The following PCNX3 variants were observed in gnomAD, a reference collection of about 807,000 sequenced individuals.
The protein encoded by PCNX3 is pecanex 3, also known as pecanex-like protein 3.
Under a neutral mutation model 207.2 loss-of-function variants are expected in PCNX3, and 58 were observed. The ratio of observed to expected loss-of-function variants is 0.28; its 90% CI spans 0.23 to 0.35. The LOEUF (loss-of-function observed/expected upper bound fraction) is 0.35. Ranked by LOEUF, PCNX3 falls within the 10% of genes least tolerant of loss-of-function variation. PCNX3 has a pLI of 1.00. For missense variants in PCNX3, 2,410 were observed against 2,774.4 expected, an observed-to-expected ratio of 0.87 and a Z score of 2.95; for synonymous variants, 1,337 against 1,183.5, an observed-to-expected ratio of 1.13 and a Z score of -2.66.
At chr11:65,623,718 T>C in intron 12 of PCNX3, 74 bp downstream of exon 12, 1 of 1,571,408 alleles carries the variant, frequency 6.4e-7, no homozygotes, top group Non-Finnish European at 8.7e-7. Context: ...ACTCCAGTTT[T>C]AAGGAGTATA....
intron 27 of PCNX3, among the ~76,000 whole-genome samples, chr11:65,632,728 G>C (rs944931659): frequency 6.7e-6 from 1 of 148,934 alleles, no homozygotes; most frequent in Non-Finnish European, 1.5e-5. Context: ...CTCCTCTCCC[G>C]GTCCCTGAAG....
chr11:65,619,275 A>C (rs903559743), intron 6 of PCNX3: 7 of 360,866 alleles, frequency 1.9e-5, no homozygotes, highest in Non-Finnish European at 1.9e-5. Flanking sequence ...CTTGATTAGC[A>C]CCTGAGTCTC....
intron 23 of PCNX3, 25 bp from the exon 24 acceptor site, chr11:65,628,794 C>T (rs769693078): frequency 2.6e-5 from 42 of 1,609,008 alleles, no homozygotes; most frequent in South Asian, 2.3e-4. Flanking sequence ...TCCTGTTGCC[C>T]GCCGCCTCCT....
In PCNX3 at chr11:65,635,816, G is replaced by A. The variant is rs749226949; in HGVS notation, c.5459+13G>A. 4.4e-6 allele frequency: 7 copies of A among 1,598,834 alleles called. No homozygotes were observed. In the Middle Eastern group the frequency reaches 6.6e-4, roughly 152 times the overall value. On this transcript the variant is annotated intron_variant, in intron 32 of 34. Coordinates refer to ENST00000355703, the MANE Select transcript of PCNX3 (RefSeq NM_032223.4). This position sits in a 1 kb window ranked among gnomAD's most constrained non-coding sequence, Gnocchi z 9.9. ...GCACCTGGGAGAGGTGAGGCCTCGG[G>A]AAGGGGTGACGTGTGGCGCGGGAGG...
Position 65,624,461 on chromosome 11 carries a change from T to G in PCNX3, c.2717-10T>G. The G allele has an allele frequency of 1.9e-6, 3 of 1,582,898 alleles. No homozygotes were observed. Among genetic ancestry groups the G allele is most frequent in the Non-Finnish European group, 2.6e-6 (3 of 1,163,918 alleles). On this transcript the variant is annotated splice_polypyrimidine_tract_variant and intron_variant, in intron 14 of 34. Coordinates refer to ENST00000355703, the MANE Select transcript of PCNX3 (RefSeq NM_032223.4). Reference sequence around the variant, plus strand: ...AGGCTGACCAGGCCTTCGTGTCCCCTCCCTGCCAGTGTTCACCCTGTGCTT... The same window carrying G: ...AGGCTGACCAGGCCTTCGTGTCCCCGCCCTGCCAGTGTTCACCCTGTGCTT...
At chr11:65,619,732 A>AC in intron 7 of PCNX3, 22 bp from the exon 8 acceptor site, 1 of 1,561,888 alleles carries the variant, frequency 6.4e-7, no homozygotes, top group South Asian at 1.2e-5. Context: ...GCTGGCGCTG[A>AC]CCTGGGGCTG....
At chr11:65,627,186 C>A in intron 21 of PCNX3, 138 bp downstream of exon 21, 1 of 1,289,924 alleles carries the variant, frequency 7.8e-7, no homozygotes. Flanking sequence ...TCCTGACACG[C>A]CATCCCAGGA....
chr11:65,623,376 G>C (rs1855212803), intron 11 of PCNX3, 115 bp from the exon 12 acceptor site: 1 of 1,352,606 alleles, frequency 7.4e-7, no homozygotes. Flanking sequence ...AGAGGACAAG[G>C]GTCTGGCATG....
At chr11:65,616,729 G>C (rs1367246531) in intron 1 of PCNX3, 95 bp from the exon 2 acceptor site, 2 of 1,383,724 alleles carry the variant, frequency 1.4e-6, no homozygotes, top group East Asian at 2.4e-5. Context: ...AAATTTTCTT[G>C]TGAGTCTGTG....
rs779060583 is a variant in PCNX3, at chr11:65,624,214, C to T, written c.2564C>T (p.Ala855Val). 1.9e-6 allele frequency: 3 copies of T among 1,606,834 alleles called. No homozygotes were observed. The highest frequency in any genetic ancestry group is 1.6e-4 in the Middle Eastern group (1 of 6,080). ...CCTCAGGGCCACAACTGGGTGATCG[C>T]GTACAGCCGTCCTGTCTACTTCTGC... ...SPMHGHNWVI[A>V]YSRPVYFCIC... is the part of the protein sequence containing the mutation. Residue 855 changes from alanine to valine, a missense_variant, in exon 14 of 35, where the codon GCG becomes GTG. By Grantham distance (64) the Ala-to-Val change is moderately conservative. This residue lies in a region of PCNX3 where 177 missense variants were observed against 257.5 expected (regional missense o/e 0.69). Coordinates refer to ENST00000355703, the MANE Select transcript of PCNX3 (RefSeq NM_032223.4).
In PCNX3 at chr11:65,616,162, C is replaced by T. The variant is rs954354016; in HGVS notation, c.-150C>T. The T allele has an allele frequency of 4.0e-6, 2 of 501,776 alleles. No individual in the cohort carries two copies. The highest frequency in any genetic ancestry group is 6.3e-6 in the Non-Finnish European group (2 of 319,166). 31.1% of individuals were successfully genotyped at this position (501,776 alleles called of 1,614,324 possible). On this transcript the variant is annotated 5_prime_UTR_variant, in exon 1 of 35. Coordinates refer to ENST00000355703, the MANE Select transcript of PCNX3 (RefSeq NM_032223.4). ...GCCCCGCCCCCTGCTCGCACCCTCG[C>T]GCGGCCGAGCCCCCCTCCCCCGCTG...
intron 27 of PCNX3, among the ~76,000 whole-genome samples, chr11:65,631,986 A>G (rs1855634051): frequency 6.6e-6 from 1 of 152,026 alleles, no homozygotes; most frequent in South Asian, 2.1e-4. Flanking sequence ...TTTCATCAAG[A>G]AGGAGGCTGT....
intron 23 of PCNX3, 51 bp from the exon 24 acceptor site, chr11:65,628,768 G>GGC: frequency 6.3e-7 from 1 of 1,592,466 alleles, no homozygotes. Flanking sequence ...GTGGGGGGTG[G>GGC]TGGGGGGCTG....
Position 65,624,589 on chromosome 11 carries a change from GC to G in PCNX3, c.2827+11del, listed in dbSNP as rs1855282373. ...ACGGCTTCGGGGGCACAGGTATGAT[GC>G]CCACAGGTGGCTCAGGGATGGGGCC... On this transcript the variant is annotated intron_variant, in intron 15 of 34. Transcript: ENST00000355703. The G allele has an allele frequency of 1.3e-6, 2 of 1,577,676 alleles. No homozygotes were observed.
At chr11:65,624,663 C>T in intron 15 of PCNX3, 82 bp downstream of exon 15, 3 of 1,270,350 alleles carry the variant, frequency 2.4e-6, no homozygotes, top group Non-Finnish European at 3.3e-6. Context: ...TGGCTCCACC[C>T]TTGCGGAACC....
At chr11:65,627,137 T>G in intron 21 of PCNX3, 89 bp downstream of exon 21, 1 of 1,426,674 alleles carries the variant, frequency 7.0e-7, no homozygotes, top group South Asian at 1.5e-5. Flanking sequence ...GAATGAATCA[T>G]GTCTAAGGTT....
intron 21 of PCNX3, 95 bp from the exon 22 acceptor site, chr11:65,627,310 G>C: frequency 7.4e-7 from 1 of 1,358,946 alleles, no homozygotes; most frequent in South Asian, 1.4e-5. Flanking sequence ...AGAGGCCAGG[G>C]GTTGCTCTCC....
chr11:65,621,027 A>T (rs1855066132), intron 10 of PCNX3, 61 bp downstream of exon 10: 2 of 1,479,684 alleles, frequency 1.4e-6, no homozygotes, highest in South Asian at 2.7e-5. Flanking sequence ...CAGATCACTG[A>T]GTCCGGCCTG....
intron 25 of PCNX3, 26 bp downstream of exon 25, chr11:65,629,441 T>C (rs532217791): frequency 1.2e-6 from 2 of 1,611,620 alleles, no homozygotes; most frequent in Admixed American, 1.7e-5. Flanking sequence ...TCCAAGGGGC[T>C]TTAGGGCAGG....
Sources: gnomAD v4.1 joint callset for allele counts (sites outside exome capture counted in the v4.1 genomes callset) on GRCh38, gnomAD v4.1.1 for gene constraint, gnomAD v4.1.1 regional missense constraint, Gnocchi (gnomAD v3.1) non-coding constraint, MANE v1.5 for transcripts, NCBI Gene and HGNC (gene_info 2026-07-23, HGNC 2026-07-21) for gene names.